PLXDC1: variants seen among roughly 807,000 people sequenced by gnomAD.
PLXDC1 encodes plexin domain containing 1.
In PLXDC1, 39 loss-of-function variants were observed where a neutral mutation model predicts 61.3. That is an observed-to-expected ratio of 0.64 (90% CI 0.49 to 0.83). The LOEUF (loss-of-function observed/expected upper bound fraction) is 0.83, where lower values mean the gene tolerates loss of function less well. Among genes scored for constraint, PLXDC1 ranks in the 40% least tolerant of loss-of-function variants. The probability of loss-of-function intolerance (pLI) is 0.00; values close to 1 mark genes in which losing one functional copy is unlikely to be tolerated. For synonymous variants in PLXDC1, 212 were observed against 254.5 expected, an observed-to-expected ratio of 0.83 and a Z score of 1.59; for missense variants, 596 against 666.5, an observed-to-expected ratio of 0.89 and a Z score of 1.17.
At chr17:39,090,624 C>T (rs1353318735) in intron 7 of PLXDC1, among the ~76,000 whole-genome samples, 1 of 152,172 alleles carries the variant, frequency 6.6e-6, no homozygotes, top group Non-Finnish European at 1.5e-5. Flanking sequence ...CTGGTGATGC[C>T]ATGCAAATGG....
upstream of PLXDC1, chr17:39,152,687 A>C (rs2045381992): frequency 3.2e-6 from 4 of 1,233,926 alleles, no homozygotes; most frequent in Non-Finnish European, 4.0e-6. Context: ...CCATTGGAGA[A>C]ATTTTCCAGG....
In PLXDC1 at chr17:39,139,836, G is replaced by A. The variant is rs780684373; in HGVS notation, c.77-4C>T. Reference sequence around the variant, plus strand: ...GAGCCTGGGCCCTCATCGTGACCTGGGAGAAGGGGACAGAAACCTGAGTGC... The same window carrying A: ...GAGCCTGGGCCCTCATCGTGACCTGAGAGAAGGGGACAGAAACCTGAGTGC... On this transcript the variant is annotated splice_polypyrimidine_tract_variant and splice_region_variant and intron_variant, in intron 1 of 13. Transcript: ENST00000315392. 6.3e-6 allele frequency: 10 copies of A among 1,594,470 alleles called. No individual in the cohort carries two copies. The African/African-American group carries it at 1.1e-4, about 17-fold the overall frequency.
At chr17:39,107,620 G>A (rs750609090) in intron 5 of PLXDC1, 95 bp from the exon 6 acceptor site, 1 of 894,040 alleles carries the variant, frequency 1.1e-6, no homozygotes, top group Non-Finnish European at 1.9e-6. Context: ...CCACAGGTTG[G>A]GTCCCTTCGG....
intron 5 of PLXDC1, 83 bp from the exon 6 acceptor site, chr17:39,107,608 G>C (rs762043401): frequency 9.8e-7 from 1 of 1,021,476 alleles, no homozygotes; most frequent in African/African-American, 1.6e-5. Context: ...GGAGGGCAGC[G>C]GCCACAGGTT....
At chr17:39,113,818 T>C (rs932337853) in intron 2 of PLXDC1, among the ~76,000 whole-genome samples, 7 of 150,680 alleles carry the variant, frequency 4.6e-5, no homozygotes, top group Non-Finnish European at 8.8e-5. Context: ...GCCACTGCAC[T>C]CAGCCTGAGT....
intron 2 of PLXDC1, among the ~76,000 whole-genome samples, chr17:39,127,922 A>G (rs1205738531): frequency 7.9e-6 from 1 of 126,788 alleles, no homozygotes; most frequent in Non-Finnish European, 1.6e-5. Flanking sequence ...AGCCTGGGTG[A>G]CAGGGTGAGA....
intron 2 of PLXDC1, among the ~76,000 whole-genome samples, chr17:39,111,530 C>T (rs373926755): frequency 6.6e-6 from 1 of 152,144 alleles, no homozygotes; most frequent in East Asian, 1.9e-4. Context: ...AGTGATCCAC[C>T]CACCTGGGCC....
chr17:39,137,169 A>G (rs1324205507), intron 2 of PLXDC1, among the ~76,000 whole-genome samples: 3 of 152,214 alleles, frequency 2.0e-5, no homozygotes, highest in Non-Finnish European at 4.4e-5. Flanking sequence ...ACCGGCATAC[A>G]CAAAGGTCAA....
At position 39,151,279 on chromosome 17, in the gene PLXDC1, C is replaced by T. The variant is rs950978545; in HGVS notation, c.76+83G>A. ...GCCCCCCTCGCGGACATCGCCAGGC[C>T]GTCCACACCTGCCCATGCCCACACC... is the stretch of plus-strand genomic sequence containing the variant. On this transcript the variant is annotated intron_variant, in intron 1 of 13. Coordinates refer to ENST00000315392, the MANE Select transcript of PLXDC1 (RefSeq NM_020405.5). This position sits in a 1 kb window ranked among gnomAD's most constrained non-coding sequence, Gnocchi z 5.2. 6.6e-6 allele frequency: 7 copies of T among 1,053,148 alleles called. No homozygotes were observed. The highest frequency in any genetic ancestry group is 8.2e-5 in the South Asian group (2 of 24,290). The allele number at this position is 1,053,148 out of a possible 1,614,324, so 65.2% of individuals were successfully genotyped here.
chr17:39,131,348 C>CTT (rs1447661361), intron 2 of PLXDC1, among the ~76,000 whole-genome samples: 1 of 137,760 alleles, frequency 7.3e-6, no homozygotes. Context: ...TCTCTTCTCT[C>CTT]TTTTTCTTTT....
chr17:39,102,625 C>G (rs889403049), intron 7 of PLXDC1, among the ~76,000 whole-genome samples: 1 of 152,080 alleles, frequency 6.6e-6, no homozygotes, highest in Non-Finnish European at 1.5e-5. Context: ...AATGAGGCAG[C>G]TCACTGTGTG....
At chr17:39,139,944 G>T in intron 1 of PLXDC1, 112 bp from the exon 2 acceptor site, 1 of 1,065,894 alleles carries the variant, frequency 9.4e-7, no homozygotes, top group Non-Finnish European at 1.3e-6. Context: ...TGTAGAATTT[G>T]CAGACACTTG....
At position 39,115,266 on chromosome 17, in the gene PLXDC1, T is replaced by C. The variant is rs181620104; in HGVS notation, c.256-5875A>G. 3.4e-4 allele frequency among the ~76,000 whole-genome samples: 52 copies of C among 152,348 alleles called. 1 individual carries two copies. The Middle Eastern group carries it at 0.01, about 30-fold the overall frequency. The stretch of plus-strand genomic sequence containing the variant: ...CAGAAATGAAACGAGCTGCTGCCTC[T>C]AACTCCTAAGCTGATTCTCTCCAAT... On this transcript the variant is annotated intron_variant, in intron 2 of 13. Coordinates refer to ENST00000315392, the MANE Select transcript of PLXDC1 (RefSeq NM_020405.5).
At chr17:39,128,165 A>ATATACATGTGTATATG (rs1911406000) in intron 2 of PLXDC1, among the ~76,000 whole-genome samples, 3 of 99,146 alleles carry the variant, frequency 3.0e-5, no homozygotes, top group African/African-American at 9.0e-5. Flanking sequence ...ATATATATGT[A>ATATACATGTGTATATG]TATATATGTA....
Position 39,124,672 on chromosome 17 carries a change from G to T in PLXDC1, c.255+14982C>A, listed in dbSNP as rs116141672. Among the ~76,000 whole-genome samples, 1,035 of 152,328 alleles carry T rather than the reference G, an allele frequency of 6.8e-3. 14 individuals are homozygous for T. The highest frequency in any genetic ancestry group is 0.024 in the African/African-American group (978 of 41,578). ...AGGCAAAGACCTGGGTTCTTGTCCTGGTTTTGCCACTTACTGGCTGTGTGA... is the reference window on the plus strand; with the variant it reads ...AGGCAAAGACCTGGGTTCTTGTCCTTGTTTTGCCACTTACTGGCTGTGTGA... On this transcript the variant is annotated intron_variant, in intron 2 of 13. Transcript: ENST00000315392.
rs79693500 is a variant in PLXDC1 at position 39,109,561 on chromosome 17, C to T, written c.256-170G>A. ...TTAGGCCTAGGACCCCCTGGACTCC[C>T]CCTTGGCCCCAGACAGCTCACTAGC... On this transcript the variant is annotated intron_variant, in intron 2 of 13. Transcript: ENST00000315392. 2.7e-3 allele frequency among the ~76,000 whole-genome samples: 411 copies of T among 152,300 alleles called. 4 individuals are homozygous for T. The highest frequency in any genetic ancestry group is 9.3e-3 in the African/African-American group (387 of 41,566).
intron 7 of PLXDC1, among the ~76,000 whole-genome samples, chr17:39,104,987 T>C (rs1300548567): frequency 6.6e-6 from 1 of 152,116 alleles, no homozygotes; most frequent in African/African-American, 2.4e-5. Flanking sequence ...ACCTTGCCCT[T>C]CTACAGGAAG....
chr17:39,094,895 G>A (rs1314653170), intron 7 of PLXDC1, among the ~76,000 whole-genome samples: 1 of 152,204 alleles, frequency 6.6e-6, no homozygotes, highest in African/African-American at 2.4e-5. Flanking sequence ...AGGAGAGCTG[G>A]CTTTCAGGAT....
At chr17:39,094,690 A>C (rs191729127) in intron 7 of PLXDC1, among the ~76,000 whole-genome samples, 9 of 152,296 alleles carry the variant, frequency 5.9e-5, no homozygotes, top group Admixed American at 3.3e-4. Context: ...GGACCTTAAG[A>C]AATGACTGTG....
Sources: gnomAD v4.1 joint callset for allele counts (sites outside exome capture counted in the v4.1 genomes callset) on GRCh38, gnomAD v4.1.1 for gene constraint, Gnocchi (gnomAD v3.1) non-coding constraint, MANE v1.5 for transcripts, NCBI Gene and HGNC (gene_info 2026-07-23, HGNC 2026-07-21) for gene names.